Variants in TEX26 observed in about 807,000 individuals in gnomAD.
TEX26 encodes the protein testis-expressed protein 26.
In TEX26, 34 loss-of-function variants were observed where a neutral mutation model predicts 35.3. The observed-to-expected ratio is 0.96, with a 90% CI of 0.73 to 1.28. The LOEUF is 1.28. Ranked by LOEUF, TEX26 falls within the 50% of genes most tolerant of loss-of-function variation. The probability of loss-of-function intolerance (pLI) is 0.00; values close to 1 mark genes in which losing one functional copy is unlikely to be tolerated. For missense variants in TEX26, 371 were observed against 330.1 expected (o/e 1.12, Z -0.96); for synonymous variants, 136 against 111.8 (o/e 1.22, Z -1.36).
At chr13:30,934,670 C>T (rs775038937) in intron 1 of TEX26, among the ~76,000 whole-genome samples, 70 of 152,272 alleles carry the variant, frequency 4.6e-4, no homozygotes, top group Non-Finnish European at 9.6e-4. Context: ...CAGGGAAGCA[C>T]AGCTGGGGCT....
In TEX26 at chr13:30,952,661, C is replaced by T. The variant is rs956776826; in HGVS notation, c.148C>T (p.Gln50Ter). The T allele has an allele frequency of 6.4e-7, 1 of 1,573,820 alleles. No individual in the cohort carries two copies. Among genetic ancestry groups the T allele is most frequent in the Non-Finnish European group, 8.6e-7 (1 of 1,165,068 alleles). Residue 50 changes from glutamine (Q) to a stop codon, truncating the protein, a stop_gained and splice_region_variant, in exon 3 of 7, where the codon CAA (glutamine) becomes TAA (stop). Transcript: ENST00000380473. LOFTEE classifies it high-confidence loss of function. ...AATTTCTGCTGGGTTTTTTTATAGC[C>T]AAAACGGTATCAGAAGATTAGGATA... Reference protein sequence around the residue: ...KTGAVPALIRQNGIRRLGYTY... With the variant: ...KTGAVPALIR
rs200837171 is a variant in TEX26, at chr13:30,966,334, G to C, written c.582G>C (p.Glu194Asp). ...ACCAAATTCCAGCTAAAATTCCTGA[G>C]CTTCAAGATTTCAGTTTCAAATATG... ...RNYQIPAKIP[E>D]LQDFSFKYGC... is the part of the protein sequence containing the mutation. Residue 194 changes from glutamate to aspartate, a missense_variant, in exon 5 of 7, where the codon GAG becomes GAC. Physicochemically the swap from Glu to Asp is conservative, Grantham distance 45. Transcript: ENST00000380473. 6.2e-7 allele frequency: 1 copy of C among 1,613,652 alleles called. No individual in the cohort carries two copies. Among genetic ancestry groups the C allele is most frequent in the African/African-American group, 1.3e-5 (1 of 74,794 alleles).
chr13:30,968,702 C>T (rs73165093), intron 5 of TEX26, among the ~76,000 whole-genome samples, 183 bp from the exon 6 acceptor site: 14 of 152,316 alleles, frequency 9.2e-5, no homozygotes, highest in Non-Finnish European at 1.5e-4. Context: ...TGCAGCTCTG[C>T]TCAGCCCTGG....
chr13:30,945,462 A>G (rs1350979859), intron 2 of TEX26, among the ~76,000 whole-genome samples: 2 of 151,614 alleles, frequency 1.3e-5, no homozygotes, highest in Non-Finnish European at 3.0e-5. Flanking sequence ...GTTCATAGTG[A>G]GATGTGAGGT....
At chr13:30,971,108 A>G (rs1954696956) in intron 6 of TEX26, among the ~76,000 whole-genome samples, 2 of 152,106 alleles carry the variant, frequency 1.3e-5, no homozygotes, top group South Asian at 4.1e-4. Flanking sequence ...CCTCTTTCCA[A>G]GCTCTGCTGT....
At chr13:30,955,170 A>G (rs947823962) in intron 3 of TEX26, among the ~76,000 whole-genome samples, 6 of 152,226 alleles carry the variant, frequency 3.9e-5, no homozygotes, top group African/African-American at 1.4e-4. Flanking sequence ...ATAGCTGATG[A>G]GCTTTAAAAA....
chr13:30,937,883 T>C (rs1431801257), intron 1 of TEX26, among the ~76,000 whole-genome samples: 2 of 152,170 alleles, frequency 1.3e-5, no homozygotes, highest in African/African-American at 4.8e-5. Flanking sequence ...CAAGACTTGA[T>C]TGGGATAGAT....
intron 6 of TEX26, among the ~76,000 whole-genome samples, chr13:30,969,691 C>T (rs966213802): frequency 7.2e-5 from 11 of 152,146 alleles, no homozygotes; most frequent in African/African-American, 2.2e-4. Context: ...CAGCATCCTA[C>T]GTGAGGGATC....
chr13:30,960,578 T>C (rs762850521), intron 4 of TEX26, among the ~76,000 whole-genome samples: 4 of 152,200 alleles, frequency 2.6e-5, no homozygotes, highest in African/African-American at 4.8e-5. Flanking sequence ...TAGCTCTTCA[T>C]TAAATTTTAT....
chr13:30,965,981 G>A (rs954786942), intron 4 of TEX26, among the ~76,000 whole-genome samples: 1 of 152,206 alleles, frequency 6.6e-6, no homozygotes, highest in African/African-American at 2.4e-5. Context: ...GACAGACCCA[G>A]TGGAGTGATC....
chr13:30,942,273 G>A (rs4943715), intron 2 of TEX26, among the ~76,000 whole-genome samples: 32,834 of 151,974 alleles, frequency 0.22, 3,710 homozygotes, highest in East Asian at 0.44. Context: ...CTGATGATTA[G>A]CAATGTTGAG....
chr13:30,952,577 T>A, intron 2 of TEX26, 83 bp from the exon 3 acceptor site: 2 of 1,139,290 alleles, frequency 1.8e-6, no homozygotes, highest in Non-Finnish European at 2.4e-6. Context: ...AAAAATGTAA[T>A]GAGTAAAATG....
chr13:30,934,575 G>T (rs1311939750), intron 1 of TEX26, among the ~76,000 whole-genome samples: 2 of 152,226 alleles, frequency 1.3e-5, no homozygotes, highest in East Asian at 3.8e-4. Flanking sequence ...CCCTAGGGGA[G>T]AAGTGGTCCT....
intron 4 of TEX26, among the ~76,000 whole-genome samples, chr13:30,959,583 T>C (rs1453251785): frequency 6.8e-6 from 1 of 147,628 alleles, no homozygotes; most frequent in Non-Finnish European, 1.5e-5. Flanking sequence ...TATTTCATTA[T>C]TTCCTTTGCT....
chr13:30,971,209 C>G (rs906780480), intron 6 of TEX26, among the ~76,000 whole-genome samples: 6 of 152,306 alleles, frequency 3.9e-5, no homozygotes, highest in Admixed American at 3.9e-4. Flanking sequence ...AACCTCTTGT[C>G]ATTTTCTTGT....
At chr13:30,947,947 T>A (rs755769465) in intron 2 of TEX26, among the ~76,000 whole-genome samples, 8 of 152,038 alleles carry the variant, frequency 5.3e-5, no homozygotes, top group Non-Finnish European at 1.0e-4. Context: ...TGTCCATGTG[T>A]TCTCATTGTT....
At chr13:30,966,434 T>C (rs113903879) in intron 5 of TEX26, 36 bp downstream of exon 5, 40 of 230,122 alleles carry the variant, frequency 1.7e-4, no homozygotes, top group South Asian at 6.0e-4. Flanking sequence ...CTTTTTCTCT[T>C]TTTTTTTTTT....
In TEX26 at chr13:30,939,677, C is replaced by T. The variant is rs1953403094; in HGVS notation, c.62-17C>T. ...TTCTGGTTTGCCATATTTAAAACTG[C>T]TTTATTGTACTTTTAGCAGATGACC... On this transcript the variant is annotated splice_polypyrimidine_tract_variant and intron_variant, in intron 1 of 6. Transcript: ENST00000380473. The T allele has an allele frequency of 6.2e-7, 1 of 1,605,846 alleles. No homozygotes were observed. Among genetic ancestry groups the T allele is most frequent in the Non-Finnish European group, 8.5e-7 (1 of 1,172,780 alleles).
At chr13:30,956,818 A>T in intron 3 of TEX26, 55 bp from the exon 4 acceptor site, 1 of 1,484,442 alleles carries the variant, frequency 6.7e-7, no homozygotes, top group Non-Finnish European at 9.4e-7. Context: ...CAGATTATTG[A>T]TCCTATTGGG....
Sources: gnomAD v4.1 joint callset for allele counts (sites outside exome capture counted in the v4.1 genomes callset) on GRCh38, gnomAD v4.1.1 for gene constraint, MANE v1.5 for transcripts, NCBI Gene and HGNC (gene_info 2026-07-23, HGNC 2026-07-21) for gene names.